CD200R1: variants seen among roughly 807,000 people sequenced by gnomAD.
CD200R1 encodes cell surface glycoprotein CD200 receptor 1.
Under a neutral mutation model 38.1 loss-of-function variants are expected in CD200R1, and 30 were observed. The ratio of observed to expected loss-of-function variants is 0.79; its 90% CI spans 0.59 to 1.07. The LOEUF (loss-of-function observed/expected upper bound fraction) is 1.07, where lower values mean the gene tolerates loss of function less well. Ranked by LOEUF, CD200R1 falls within the 50% of genes least tolerant of loss-of-function variation. The pLI is 0.00. For missense variants in CD200R1, 372 were observed against 415.4 expected, an observed-to-expected ratio of 0.90 and a Z score of 0.91; for synonymous variants, 128 against 152.1, an observed-to-expected ratio of 0.84 and a Z score of 1.16.
intron 1 of CD200R1, among the ~76,000 whole-genome samples, chr3:112,965,200 C>T (rs573865525): frequency 6.6e-6 from 1 of 152,180 alleles, no homozygotes; most frequent in South Asian, 2.1e-4. Context: ...ACAGTCTTAA[C>T]CTAAGAATTA....
In CD200R1 at chr3:112,923,615, A is replaced by T. The variant is rs891316847; in HGVS notation, c.*62T>A. Reference sequence around the variant, plus strand: ...GTCTTCATTCTAGAACTGTAAGAAAATCAGACAGTAATTATAATGTATCTC... The same window carrying T: ...GTCTTCATTCTAGAACTGTAAGAAATTCAGACAGTAATTATAATGTATCTC... On this transcript the variant is annotated 3_prime_UTR_variant, in exon 8 of 8. Transcript: ENST00000308611. The T allele has an allele frequency of 5.8e-6, 5 of 856,446 alleles. No homozygotes were observed. The highest frequency in any genetic ancestry group is 9.4e-6 in the Non-Finnish European group (5 of 531,660). 53.1% of individuals were successfully genotyped at this position (856,446 alleles called of 1,614,324 possible).
At chr3:112,944,180 A>G (rs1940790073) in intron 2 of CD200R1, among the ~76,000 whole-genome samples, 1 of 151,882 alleles carries the variant, frequency 6.6e-6, no homozygotes, top group Admixed American at 6.6e-5. Flanking sequence ...CCAGACAAAA[A>G]CATTACAAAA....
At chr3:112,932,633 A>G (rs371876005) in intron 2 of CD200R1, among the ~76,000 whole-genome samples, 2 of 152,060 alleles carry the variant, frequency 1.3e-5, no homozygotes, top group East Asian at 3.9e-4. Flanking sequence ...CCCCATGACT[A>G]ATCAGCAGCC....
At chr3:112,954,287 A>G (rs910966803) in intron 1 of CD200R1, among the ~76,000 whole-genome samples, 2 of 152,144 alleles carry the variant, frequency 1.3e-5, no homozygotes, top group African/African-American at 4.8e-5. Context: ...CCCTCCAACC[A>G]TAATGTTGGA....
intron 2 of CD200R1, among the ~76,000 whole-genome samples, chr3:112,947,378 T>C (rs944279171): frequency 6.6e-6 from 1 of 152,094 alleles, no homozygotes; most frequent in Non-Finnish European, 1.5e-5. Flanking sequence ...TTTGCACATG[T>C]GGGGGCAGAG....
intron 1 of CD200R1, among the ~76,000 whole-genome samples, chr3:112,952,511 T>C (rs774440664): frequency 1.3e-5 from 2 of 152,134 alleles, no homozygotes; most frequent in Non-Finnish European, 2.9e-5. Flanking sequence ...TTGGAAATCA[T>C]CATTCTCAGT....
chr3:112,947,704 T>A (rs1463796873), intron 2 of CD200R1, 152 bp downstream of exon 2: 2 of 519,378 alleles, frequency 3.9e-6, no homozygotes, highest in Non-Finnish European at 6.9e-6. Flanking sequence ...ATAGAAATAA[T>A]TTCAGAATGA....
intron 2 of CD200R1, among the ~76,000 whole-genome samples, chr3:112,941,872 A>G (rs769712970): frequency 5.3e-5 from 8 of 151,612 alleles, no homozygotes; most frequent in Non-Finnish European, 1.0e-4. Flanking sequence ...GAAGAAAAGA[A>G]AAGAATTATA....
At chr3:112,943,801 AATG>A (rs1940779095) in intron 2 of CD200R1, among the ~76,000 whole-genome samples, 1 of 151,848 alleles carries the variant, frequency 6.6e-6, no homozygotes, top group Non-Finnish European at 1.5e-5. Flanking sequence ...TTTACATTAA[AATG>A]ATAATAACAG....
intron 2 of CD200R1, among the ~76,000 whole-genome samples, chr3:112,942,269 T>C (rs1576137350): frequency 6.6e-6 from 1 of 151,662 alleles, no homozygotes; most frequent in Non-Finnish European, 1.5e-5. Flanking sequence ...TGATTATGTA[T>C]GTGTTATGTA....
At chr3:112,955,726 T>C (rs1941083315) in intron 1 of CD200R1, among the ~76,000 whole-genome samples, 1 of 152,020 alleles carries the variant, frequency 6.6e-6, no homozygotes, top group African/African-American at 2.4e-5. Flanking sequence ...AGAAAGTCTC[T>C]CTCTCCTTCA....
intron 5 of CD200R1, among the ~76,000 whole-genome samples, chr3:112,925,881 C>T (rs1940269127): frequency 6.6e-6 from 1 of 152,030 alleles, no homozygotes; most frequent in East Asian, 1.9e-4. Context: ...AACACTTCTG[C>T]CCCATTAATA....
chr3:112,944,198 C>T (rs1940790502), intron 2 of CD200R1, among the ~76,000 whole-genome samples: 1 of 151,814 alleles, frequency 6.6e-6, no homozygotes, highest in South Asian at 2.1e-4. Context: ...AAAAAGAAAA[C>T]CACAGACCAA....
At chr3:112,936,437 C>G (rs1272151159) in intron 2 of CD200R1, among the ~76,000 whole-genome samples, 1 of 152,306 alleles carries the variant, frequency 6.6e-6, no homozygotes, top group Admixed American at 6.5e-5. Context: ...AAAAGTGTTC[C>G]TTTTTCTCCA....
At chr3:112,934,798 C>G (rs1156515956) in intron 2 of CD200R1, among the ~76,000 whole-genome samples, 2 of 152,040 alleles carry the variant, frequency 1.3e-5, no homozygotes, top group Non-Finnish European at 1.5e-5. Context: ...CCATTGCACT[C>G]CAGCCTGGGT....
intron 1 of CD200R1, among the ~76,000 whole-genome samples, chr3:112,954,013 C>T (rs1047848123): frequency 6.6e-6 from 1 of 152,080 alleles, no homozygotes; most frequent in Admixed American, 6.6e-5. Context: ...TAAGGGTCAA[C>T]ATTCGGTTGT....
intron 1 of CD200R1, among the ~76,000 whole-genome samples, chr3:112,969,051 G>A (rs1419203930): frequency 6.6e-6 from 1 of 152,086 alleles, no homozygotes; most frequent in Non-Finnish European, 1.5e-5. Flanking sequence ...ATTCAGCTAT[G>A]CTTAGTGACA....
At chr3:112,970,555 A>C (rs536708585) in intron 1 of CD200R1, among the ~76,000 whole-genome samples, 2 of 152,302 alleles carry the variant, frequency 1.3e-5, no homozygotes, top group East Asian at 1.9e-4. Context: ...TGTGAGTGAT[A>C]ATAAGGCAGA....
At chr3:112,948,269 A>T (rs963924054) in intron 1 of CD200R1, among the ~76,000 whole-genome samples, 1 of 152,180 alleles carries the variant, frequency 6.6e-6, no homozygotes, top group Non-Finnish European at 1.5e-5. Flanking sequence ...GGAGGTAAAA[A>T]AAGTTTAGTG....
Sources: gnomAD v4.1 joint callset for allele counts (sites outside exome capture counted in the v4.1 genomes callset) on GRCh38, gnomAD v4.1.1 for gene constraint, MANE v1.5 for transcripts, NCBI Gene and HGNC (gene_info 2026-07-23, HGNC 2026-07-21) for gene names.